The following STK11 variants were observed in gnomAD, a reference collection of about 807,000 sequenced individuals.
STK11 encodes the protein serine/threonine kinase 11, also known as serine/threonine-protein kinase STK11.
A neutral mutation model predicts 47.3 loss-of-function variants in STK11; 8 were observed. The observed-to-expected ratio is 0.17, with a 90% CI of 0.10 to 0.31. The LOEUF (loss-of-function observed/expected upper bound fraction) is 0.31, where lower values mean the gene tolerates loss of function less well. Among genes scored for constraint, STK11 ranks in the 10% least tolerant of loss-of-function variants. The pLI is 1.00. For synonymous variants in STK11, 330 were observed against 255.8 expected, an observed-to-expected ratio of 1.29 and a Z score of -2.77; for missense variants, 475 against 605.0, an observed-to-expected ratio of 0.79 and a Z score of 2.25.
At chr19:1,209,234 G>A (rs1302488517) in intron 1 of STK11, among the ~76,000 whole-genome samples, 2 of 151,878 alleles carry the variant, frequency 1.3e-5, no homozygotes, top group Non-Finnish European at 2.9e-5. Context: ...TGTGCTGGGG[G>A]TAGCAGGTGC....
At chr19:1,211,013 T>G (rs1378639889) in intron 1 of STK11, among the ~76,000 whole-genome samples, 1 of 152,142 alleles carries the variant, frequency 6.6e-6, no homozygotes, top group Non-Finnish European at 1.5e-5. Context: ...ATAGAAAAAC[T>G]AGCCAGGTGT....
At position 1,226,490 on chromosome 19, in the gene STK11, A is replaced by G. The variant is rs985937027; in HGVS notation, c.1145A>G (p.Gln382Arg). 2 of 1,611,206 alleles carry G rather than the reference A, an allele frequency of 1.2e-6. No individual in the cohort carries two copies. The highest frequency in any genetic ancestry group is 1.7e-6 in the Non-Finnish European group (2 of 1,179,356). The change falls in exon 9 of 10, where the codon CAG becomes CGG. Residue 382 changes from glutamine (Q) to arginine (R), a missense_variant. Gln to Arg is a conservative substitution (Grantham distance 43). This residue lies in a region of STK11 where 219 missense variants were observed against 189.2 expected (regional missense o/e 1.16). Coordinates refer to ENST00000326873, the MANE Select transcript of STK11 (RefSeq NM_000455.5). ...VPEEEASHNGQRRGLPKAVCM... is the reference protein window; with the variant it reads ...VPEEEASHNGRRRGLPKAVCM... ...GAAGAGGAGGCCAGTCACAATGGAC[A>G]GCGCCGGGGCCTCCCCAAGGCCGTG...
rs1487366773 is a variant in STK11 at position 1,206,651 on chromosome 19, C to T, written c.-263C>T. 2 of 527,654 alleles carry T rather than the reference C, an allele frequency of 3.8e-6. No homozygotes were observed. The highest frequency in any genetic ancestry group is 6.4e-5 in the East Asian group (2 of 31,362). 32.7% of individuals were successfully genotyped at this position (527,654 alleles called of 1,614,324 possible). ...CTGAGGCCCGGGTCCCACTGGAACT[C>T]GCGTCTGAGCCGCCGTCCCGGACCC... On this transcript the variant is annotated 5_prime_UTR_variant, in exon 1 of 10. Transcript: ENST00000326873.
chr19:1,211,491 T>C (rs2080710345), intron 1 of STK11, among the ~76,000 whole-genome samples: 1 of 151,672 alleles, frequency 6.6e-6, no homozygotes. Context: ...AAGGCCGCCA[T>C]GCCTCCCTCC....
chr19:1,208,370 C>G (rs2080684122), intron 1 of STK11, among the ~76,000 whole-genome samples: 1 of 147,540 alleles, frequency 6.8e-6, no homozygotes, highest in African/African-American at 2.5e-5. Flanking sequence ...TGCAGTGGCG[C>G]GAACTGGGCT....
chr19:1,211,498 C>T (rs1186187525), intron 1 of STK11, among the ~76,000 whole-genome samples: 2 of 152,024 alleles, frequency 1.3e-5, no homozygotes, highest in Non-Finnish European at 2.9e-5. Context: ...CCATGCCTCC[C>T]TCCCCCTTTC....
intron 1 of STK11, among the ~76,000 whole-genome samples, chr19:1,209,523 G>A (rs959652054): frequency 2.0e-5 from 3 of 152,044 alleles, no homozygotes; most frequent in Admixed American, 1.3e-4. Context: ...CGGAGCTTGC[G>A]GTGACCCGAG....
rs537906142 is a variant in STK11 at position 1,223,105 on chromosome 19, G to A, written c.1041G>A (p.Ala347=). The change falls in exon 8 of 10, where the codon GCG becomes GCA. Residue 347 remains alanine, a synonymous_variant. Transcript: ENST00000326873. ...CGTACTTGGAGGACCTGCACGGCGCGGACGAGGACGAGGACCTCTTCGACA... is the reference window on the plus strand; with the variant it reads ...CGTACTTGGAGGACCTGCACGGCGCAGACGAGGACGAGGACCTCTTCGACA... ...VVPYLEDLHG[A]DEDEDLFDIE... 7.2e-5 allele frequency: 116 copies of A among 1,611,250 alleles called. No individual in the cohort carries two copies. The South Asian group carries it at 1.1e-3, about 16-fold the overall frequency.
intron 8 of STK11, 177 bp from the exon 9 acceptor site, chr19:1,226,277 C>T (rs972794609): frequency 4.9e-6 from 7 of 1,431,906 alleles, no homozygotes; most frequent in South Asian, 1.5e-5. Flanking sequence ...CCGGGGGGTG[C>T]CTCCCAGAGC....
Position 1,206,777 on chromosome 19 carries a change from C to T in STK11, c.-137C>T, listed in dbSNP as rs527710714. ...CTGTTGGAAGAAGGGTTTTTCCCTT[C>T]CTTTTGGGGTTTTTGTTGCCTTTTT... On this transcript the variant is annotated 5_prime_UTR_variant, in exon 1 of 10. Transcript: ENST00000326873. 3.0e-4 allele frequency: 339 copies of T among 1,145,482 alleles called. 4 individuals are homozygous for T. In the Middle Eastern group the frequency reaches 3.3e-3, roughly 11 times the overall value. The allele number at this position is 1,145,482 out of a possible 1,614,324, so 71.0% of individuals were successfully genotyped here.
At chr19:1,222,839 C>A in intron 7 of STK11, 146 bp from the exon 8 acceptor site, 1 of 906,408 alleles carries the variant, frequency 1.1e-6, no homozygotes, top group Non-Finnish European at 1.6e-6. Context: ...CATGGCTGAG[C>A]TTCTGTGGTC....
intron 8 of STK11, chr19:1,226,210 G>A (rs1308716938): frequency 1.0e-5 from 14 of 1,361,322 alleles, no homozygotes; most frequent in Middle Eastern, 2.7e-4. Context: ...CATGGCAGGT[G>A]CAACAGACGT....
chr19:1,211,295 A>G (rs1201153593), intron 1 of STK11, among the ~76,000 whole-genome samples: 1 of 152,258 alleles, frequency 6.6e-6, no homozygotes, highest in Non-Finnish European at 1.5e-5. Flanking sequence ...CAAAAAAACA[A>G]TTAATTAAAA....
Position 1,221,116 on chromosome 19 carries a change from G to GCCA in STK11, c.735-95_735-93dup, listed in dbSNP as rs2080780485. On this transcript the variant is annotated intron_variant, in intron 5 of 9. Transcript: ENST00000326873. ...AGTCCACAGGGCCTCTGGTCCAGCA[G>GCCA]CCACGGGACGCCTCTGTCCCTGGGG... 5.2e-6 allele frequency: 8 copies of GCCA among 1,536,470 alleles called. No homozygotes were observed. In the South Asian group the frequency reaches 9.6e-5, roughly 18 times the overall value.
intron 7 of STK11, among the ~76,000 whole-genome samples, chr19:1,222,610 C>T (rs961889014): frequency 6.6e-6 from 1 of 152,038 alleles, no homozygotes; most frequent in Non-Finnish European, 1.5e-5. Context: ...CAGCTCGGGT[C>T]ATCTGGGCGC....
At position 1,226,672 on chromosome 19, in the gene STK11, C is replaced by T. The variant is rs868216201; in HGVS notation, c.*16+9C>T. 8.7e-6 allele frequency: 13 copies of T among 1,485,876 alleles called. No individual in the cohort carries two copies. In the Admixed American group the frequency reaches 9.4e-5, roughly 11 times the overall value. The allele number at this position is 1,485,876 out of a possible 1,614,324, so 92.0% of individuals were successfully genotyped here. ...AGGCTGGCCGCCTGCAGGTGGGGCG[C>T]GGCGGGGCCCGGGTGGGGCATGTGG... On this transcript the variant is annotated intron_variant, in intron 9 of 9. Transcript: ENST00000326873.
intron 1 of STK11, among the ~76,000 whole-genome samples, chr19:1,209,685 G>A (rs1471828483): frequency 6.6e-6 from 1 of 152,180 alleles, no homozygotes; most frequent in Non-Finnish European, 1.5e-5. Context: ...GACGCTGGAG[G>A]GTGGAAGCCT....
Position 1,218,770 on chromosome 19 carries a change from G to T in STK11, c.374+270G>T, listed in dbSNP as rs114556379. Reference sequence around the variant, plus strand: ...GAGTCTCCTCCCAGGCTAACCAGGGGTGTAGCCACGGTCTGCCTGAGACAG... The same window carrying T: ...GAGTCTCCTCCCAGGCTAACCAGGGTTGTAGCCACGGTCTGCCTGAGACAG... On this transcript the variant is annotated intron_variant, in intron 2 of 9. Coordinates refer to ENST00000326873, the MANE Select transcript of STK11 (RefSeq NM_000455.5). Among the ~76,000 whole-genome samples the T allele has an allele frequency of 0.018, 2,786 of 152,344 alleles. 77 individuals are homozygous for T. Among genetic ancestry groups the T allele is most frequent in the African/African-American group, 0.064 (2,653 of 41,570 alleles).
At chr19:1,221,885 G>A (rs2145428361) in intron 6 of STK11, 64 bp from the exon 7 acceptor site, 1 of 1,536,198 alleles carries the variant, frequency 6.5e-7, no homozygotes. Context: ...TGGGCAGGCG[G>A]GGACGGTTGG....
Sources: allele counts gnomAD v4.1 joint callset (sites outside exome capture counted in the v4.1 genomes callset), GRCh38; gene constraint gnomAD v4.1.1; regional missense constraint gnomAD v4.1.1; transcripts MANE v1.5; gene names NCBI Gene and HGNC (gene_info 2026-07-23, HGNC 2026-07-21).